The following ANO2 variants were observed in gnomAD, a reference collection of about 807,000 sequenced individuals.
ANO2 encodes the protein anoctamin-2.
ANO2 carries 101 observed loss-of-function variants against 124.2 expected under a neutral mutation model. The ratio of observed to expected loss-of-function variants is 0.81; its 90% CI spans 0.69 to 0.96. The LOEUF (loss-of-function observed/expected upper bound fraction) is 0.96, where lower values mean the gene tolerates loss of function less well. Among genes scored for constraint, ANO2 ranks in the 40% least tolerant of loss-of-function variants. The pLI is 0.00. For synonymous variants in ANO2, 486 were observed against 482.5 expected (o/e 1.01, Z -0.09); for missense variants, 1,293 against 1,274.5 (o/e 1.01, Z -0.22).
intron 10 of ANO2, among the ~76,000 whole-genome samples, chr12:5,788,651 A>C (rs1591618172): frequency 6.6e-6 from 1 of 152,242 alleles, no homozygotes; most frequent in South Asian, 2.1e-4. Flanking sequence ...CTCTGCCTCC[A>C]GGGTTCGAGC....
At chr12:5,818,450 TATATA>T (rs1565694006) in intron 7 of ANO2, among the ~76,000 whole-genome samples, 4 of 1,210 alleles carry the variant, frequency 3.3e-3, no homozygotes, top group Non-Finnish European at 0.024. Context: ...ACTCATATTA[TATATA>T]TATATATATA....
intron 1 of ANO2, among the ~76,000 whole-genome samples, chr12:5,937,983 T>A (rs1226246067): frequency 6.6e-6 from 1 of 152,166 alleles, no homozygotes; most frequent in Non-Finnish European, 1.5e-5. Flanking sequence ...ACTTTCAACA[T>A]CTCCCAGTAC....
chr12:5,741,513 C>A lies in ANO2; in HGVS notation c.1352-2114G>T, dbSNP rs191165702. 3.2e-3 allele frequency among the ~76,000 whole-genome samples: 491 copies of A among 152,186 alleles called. 4 individuals are homozygous for A. Among genetic ancestry groups the A allele is most frequent in the African/African-American group, 0.011 (453 of 41,518 alleles). On this transcript the variant is annotated intron_variant, in intron 12 of 24. Coordinates refer to ENST00000682330, the MANE Select transcript of ANO2 (RefSeq NM_001364791.2). ...TTCCTACCGCTCCTTCCTTGGTTCCCGAGGAGGGCTGTGCACACAACAGTG... is the reference window on the plus strand; with the variant it reads ...TTCCTACCGCTCCTTCCTTGGTTCCAGAGGAGGGCTGTGCACACAACAGTG...
chr12:5,694,190 C>T (rs1277970728), intron 14 of ANO2, among the ~76,000 whole-genome samples: 1 of 150,998 alleles, frequency 6.6e-6, no homozygotes, highest in African/African-American at 2.4e-5. Flanking sequence ...CCAACCTGCG[C>T]CAGTCCCCAA....
chr12:5,607,527 C>A (rs561758604), intron 19 of ANO2, among the ~76,000 whole-genome samples: 25 of 152,108 alleles, frequency 1.6e-4, no homozygotes, highest in African/African-American at 6.0e-4. Context: ...ATCTGGTAGG[C>A]CAGGGATCCC....
At chr12:5,607,431 T>C (rs1033383371) in intron 19 of ANO2, among the ~76,000 whole-genome samples, 1 of 152,140 alleles carries the variant, frequency 6.6e-6, no homozygotes, top group Non-Finnish European at 1.5e-5. Context: ...AACCTTTTTT[T>C]TTTTTAAGTT....
chr12:5,613,014 C>T, intron 17 of ANO2, 56 bp from the exon 18 acceptor site: 2 of 1,565,134 alleles, frequency 1.3e-6, no homozygotes, highest in South Asian at 1.1e-5. Flanking sequence ...CAGGGTGGCT[C>T]AAGGACATGT....
At chr12:5,572,490 C>T (rs111383138) in intron 23 of ANO2, among the ~76,000 whole-genome samples, 2 of 152,212 alleles carry the variant, frequency 1.3e-5, no homozygotes. Flanking sequence ...GGCCTCCCTC[C>T]TTAGGGATCC....
intron 3 of ANO2, among the ~76,000 whole-genome samples, chr12:5,890,746 G>A (rs1473284945): frequency 6.6e-6 from 1 of 152,220 alleles, no homozygotes; most frequent in African/African-American, 2.4e-5. Flanking sequence ...CATGTTTACT[G>A]ATGGATAAAT....
Position 5,688,138 on chromosome 12 carries a change from C to G in ANO2, c.1546-40337G>C, listed in dbSNP as rs574987597. Among the ~76,000 whole-genome samples, 36 of 152,256 alleles carry G rather than the reference C, an allele frequency of 2.4e-4. No homozygotes were observed. The South Asian group carries it at 2.5e-3, about 11-fold the overall frequency. On this transcript the variant is annotated intron_variant, in intron 14 of 24. Transcript: ENST00000682330. ...AACAGAAACAAAGAATAAAATGAAA[C>G]CTAGAAACAACAACTGTGATGGAAA...
At chr12:5,732,664 AAAGG>A in intron 13 of ANO2, 34 bp from the exon 14 acceptor site, 1 of 1,597,008 alleles carries the variant, frequency 6.3e-7, no homozygotes, top group Non-Finnish European at 8.6e-7. Flanking sequence ...TTAGTAAACA[AAAGG>A]AAGAATGACC....
intron 14 of ANO2, among the ~76,000 whole-genome samples, chr12:5,663,573 G>A (rs1947552972): frequency 6.6e-6 from 1 of 152,170 alleles, no homozygotes; most frequent in South Asian, 2.1e-4. Context: ...CATGTGGCAA[G>A]GAAGGGAACA....
chr12:5,905,534 C>T (rs1326060684), intron 3 of ANO2, among the ~76,000 whole-genome samples: 1 of 152,144 alleles, frequency 6.6e-6, no homozygotes, highest in Non-Finnish European at 1.5e-5. Flanking sequence ...TTCCTGGCAA[C>T]ACTGAATAGG....
intron 14 of ANO2, among the ~76,000 whole-genome samples, chr12:5,663,477 G>T (rs1219277411): frequency 6.6e-6 from 1 of 152,126 alleles, no homozygotes; most frequent in African/African-American, 2.4e-5. Context: ...AGTATGTGCA[G>T]GTCTTAGCAT....
intron 10 of ANO2, among the ~76,000 whole-genome samples, chr12:5,761,817 T>C (rs536190747): frequency 9.2e-5 from 14 of 152,178 alleles, no homozygotes; most frequent in Non-Finnish European, 5.9e-5. Context: ...CATTGTTAGA[T>C]TAATGAAAAC....
chr12:5,590,794 A>G (rs553863278), intron 20 of ANO2, among the ~76,000 whole-genome samples: 157 of 152,330 alleles, frequency 1.0e-3, no homozygotes, highest in Non-Finnish European at 2.1e-3. Context: ...GTCCTTTCTT[A>G]TAACTGTCTG....
chr12:5,813,548 G>A (rs932019657), intron 7 of ANO2, among the ~76,000 whole-genome samples: 8 of 152,130 alleles, frequency 5.3e-5, no homozygotes, highest in Non-Finnish European at 7.4e-5. Context: ...GACCACCGTC[G>A]CCCATAATCA....
At position 5,751,938 on chromosome 12, in the gene ANO2, G is replaced by T. The variant is rs563429265; in HGVS notation, c.1056-968C>A. Reference sequence around the variant, plus strand: ...TTCTATTCTTTGGATCTATGAGTTTGACGGTTTTAGATTCCTCATAGAGGT... The same window carrying T: ...TTCTATTCTTTGGATCTATGAGTTTTACGGTTTTAGATTCCTCATAGAGGT... On this transcript the variant is annotated intron_variant, in intron 10 of 24. Transcript: ENST00000682330. Among the ~76,000 whole-genome samples, 39 of 152,260 alleles carry T rather than the reference G, an allele frequency of 2.6e-4. 1 individual carries two copies. The highest frequency in any genetic ancestry group is 1.0e-3 in the South Asian group (5 of 4,826).
intron 13 of ANO2, chr12:5,733,184 A>C: frequency 4.3e-6 from 2 of 470,010 alleles, no homozygotes; most frequent in South Asian, 2.3e-5. Context: ...GAATCTTAAA[A>C]CTCACTTGCC....
Sources: allele counts gnomAD v4.1 joint callset (sites outside exome capture counted in the v4.1 genomes callset), GRCh38; gene constraint gnomAD v4.1.1; transcripts MANE v1.5; gene names NCBI Gene and HGNC (gene_info 2026-07-23, HGNC 2026-07-21).